MAP2K6: variants seen among roughly 807,000 people sequenced by gnomAD.
MAP2K6 encodes dual specificity mitogen-activated protein kinase kinase 6.
MAP2K6 carries 16 observed loss-of-function variants against 53.7 expected under a neutral mutation model. That is an observed-to-expected ratio of 0.30 (90% CI 0.20 to 0.45). The LOEUF (loss-of-function observed/expected upper bound fraction) is 0.45. Among genes scored for constraint, MAP2K6 ranks in the 20% least tolerant of loss-of-function variants. The pLI is 1.00. For synonymous variants in MAP2K6, 132 were observed against 143.1 expected (o/e 0.92, Z 0.55); for missense variants, 204 against 411.9 (o/e 0.50, Z 4.37).
At chr17:69,428,866 T>G (rs1054806969) in intron 1 of MAP2K6, among the ~76,000 whole-genome samples, 7 of 146,994 alleles carry the variant, frequency 4.8e-5, no homozygotes, top group African/African-American at 1.5e-4. Context: ...TTGTTTTTGT[T>G]TTTTTTTTTT....
chr17:69,453,811 C>T (rs1448340485), intron 1 of MAP2K6, among the ~76,000 whole-genome samples: 1 of 152,170 alleles, frequency 6.6e-6, no homozygotes, highest in Non-Finnish European at 1.5e-5. Flanking sequence ...AACTTTTAGA[C>T]ATCTCAATGC....
At chr17:69,501,791 A>G (rs1909186073) in intron 1 of MAP2K6, 1 of 151,936 alleles carries the variant, frequency 6.6e-6, no homozygotes, top group South Asian at 2.1e-4. Context: ...TGTTGCTAGC[A>G]TATGACATCA....
chr17:69,419,248 C>T (rs1358440992), intron 1 of MAP2K6, among the ~76,000 whole-genome samples: 1 of 152,234 alleles, frequency 6.6e-6, no homozygotes, highest in Non-Finnish European at 1.5e-5. Context: ...CTGGAACATA[C>T]ATCTTTATAC....
At chr17:69,519,702 G>A (rs552391490) in intron 5 of MAP2K6, 2 of 390,424 alleles carry the variant, frequency 5.1e-6, no homozygotes, top group Admixed American at 4.4e-5. Context: ...TTTCTATATC[G>A]CCTATAGACT....
At chr17:69,499,298 C>T (rs770382695) in intron 1 of MAP2K6, among the ~76,000 whole-genome samples, 2 of 152,170 alleles carry the variant, frequency 1.3e-5, no homozygotes, top group South Asian at 2.1e-4. Context: ...AAAATGTAAG[C>T]GTAAACATGG....
intron 1 of MAP2K6, among the ~76,000 whole-genome samples, chr17:69,474,916 C>G (rs554953878): frequency 6.6e-6 from 1 of 152,278 alleles, no homozygotes; most frequent in African/African-American, 2.4e-5. Flanking sequence ...GGCAGCATGT[C>G]TAATTCACTG....
Position 69,546,883 on chromosome 17 carries a change from A to G in MAP2K6, c.*5130A>G, listed in dbSNP as rs1371066883. 2 of 151,784 alleles carry G rather than the reference A, an allele frequency of 1.3e-5. No individual in the cohort carries two copies. Among genetic ancestry groups the G allele is most frequent in the Admixed American group, 6.6e-5 (1 of 15,224 alleles). 9.4% of individuals were successfully genotyped at this position (151,784 alleles called of 1,614,324 possible). On this transcript the variant is annotated 3_prime_UTR_variant, in exon 12 of 12. Transcript: ENST00000590474. ...TTTTAACTTTTCAAATGGAAGGTGC[A>G]GTTTTCAATTAGGCCTCTGAAAATT... is the stretch of plus-strand genomic sequence containing the variant.
chr17:69,433,476 C>G (rs1906534966), intron 1 of MAP2K6: 1 of 152,218 alleles, frequency 6.6e-6, no homozygotes, highest in Non-Finnish European at 1.5e-5. Context: ...AAATCAGGAC[C>G]TCTGTTTATT....
intron 1 of MAP2K6, among the ~76,000 whole-genome samples, chr17:69,483,195 T>C (rs1043388248): frequency 2.0e-5 from 3 of 151,994 alleles, no homozygotes; most frequent in African/African-American, 2.4e-5. Context: ...TGTTTGTAGA[T>C]AGAAAATTCT....
At chr17:69,452,781 A>G (rs969358186) in intron 1 of MAP2K6, among the ~76,000 whole-genome samples, 10 of 152,266 alleles carry the variant, frequency 6.6e-5, no homozygotes, top group African/African-American at 2.4e-4. Context: ...TTAGCAAAGT[A>G]GCAAAGCAGA....
intron 1 of MAP2K6, among the ~76,000 whole-genome samples, chr17:69,486,930 A>G (rs945945169): frequency 1.3e-5 from 2 of 152,220 alleles, no homozygotes; most frequent in African/African-American, 4.8e-5. Context: ...CCATTTTAGC[A>G]TCAGAGGAAC....
intron 1 of MAP2K6, among the ~76,000 whole-genome samples, chr17:69,424,035 T>C (rs772043680): frequency 6.6e-6 from 1 of 152,224 alleles, no homozygotes; most frequent in Non-Finnish European, 1.5e-5. Flanking sequence ...TCATTTCTTT[T>C]GTGTCAACGT....
intron 1 of MAP2K6, among the ~76,000 whole-genome samples, chr17:69,422,669 A>T (rs1906129702): frequency 6.6e-6 from 1 of 152,146 alleles, no homozygotes; most frequent in African/African-American, 2.4e-5. Flanking sequence ...TACTTTTCAT[A>T]TAGTATGCTT....
chr17:69,541,354 TA>T (rs1318757742), intron 11 of MAP2K6, among the ~76,000 whole-genome samples: 1 of 152,246 alleles, frequency 6.6e-6, no homozygotes, highest in Non-Finnish European at 1.5e-5. Flanking sequence ...GGGCTATTTG[TA>T]AATCAGAGTT....
intron 1 of MAP2K6, among the ~76,000 whole-genome samples, chr17:69,438,165 T>C (rs1016400675): frequency 3.9e-5 from 6 of 152,240 alleles, no homozygotes; most frequent in African/African-American, 1.4e-4. Flanking sequence ...CATGAATGGC[T>C]GACTTGTTGT....
At chr17:69,535,879 TACAC>T (rs3216906) in intron 10 of MAP2K6, among the ~76,000 whole-genome samples, 27,102 of 147,574 alleles carry the variant, frequency 0.18, 2,443 homozygotes, top group East Asian at 0.3. Flanking sequence ...AAAAGGAAAG[TACAC>T]ACACACACAC....
At chr17:69,421,223 C>A (rs1906068211) in intron 1 of MAP2K6, among the ~76,000 whole-genome samples, 1 of 152,068 alleles carries the variant, frequency 6.6e-6, no homozygotes, top group African/African-American at 2.4e-5. Context: ...TCTTCTTGTG[C>A]TTCTTCTTTG....
At chr17:69,423,075 G>C (rs1906146407) in intron 1 of MAP2K6, among the ~76,000 whole-genome samples, 1 of 152,090 alleles carries the variant, frequency 6.6e-6, no homozygotes, top group Admixed American at 6.5e-5. Context: ...AGTAGAGACG[G>C]GGTTTCACCA....
intron 1 of MAP2K6, among the ~76,000 whole-genome samples, chr17:69,466,590 C>T (rs979013297): frequency 1.8e-4 from 28 of 152,208 alleles, no homozygotes; most frequent in African/African-American, 6.8e-4. Flanking sequence ...CCGGGCAAGA[C>T]TTTGCATTCC....
Sources: allele counts gnomAD v4.1 joint callset (sites outside exome capture counted in the v4.1 genomes callset), GRCh38; gene constraint gnomAD v4.1.1; transcripts MANE v1.5; gene names NCBI Gene and HGNC (gene_info 2026-07-23, HGNC 2026-07-21).